ZNF385D: variants seen among roughly 807,000 people sequenced by gnomAD.
ZNF385D encodes zinc finger protein 659.
In ZNF385D, 15 loss-of-function variants were observed where a neutral mutation model predicts 35.8. The ratio of observed to expected loss-of-function variants is 0.42; its 90% CI spans 0.28 to 0.64. The LOEUF (loss-of-function observed/expected upper bound fraction) is 0.64. Ranked by LOEUF, ZNF385D falls within the 30% of genes least tolerant of loss-of-function variation. The probability of loss-of-function intolerance (pLI) is 0.23; values close to 1 mark genes in which losing one functional copy is unlikely to be tolerated. For synonymous variants in ZNF385D, 212 were observed against 186.8 expected, an observed-to-expected ratio of 1.13 and a Z score of -1.10; for missense variants, 474 against 494.6, an observed-to-expected ratio of 0.96 and a Z score of 0.39.
chr3:21,824,541 T>C (rs985118972), intron 3 of ZNF385D, among the ~76,000 whole-genome samples: 21 of 152,190 alleles, frequency 1.4e-4, no homozygotes, highest in African/African-American at 4.8e-4. Flanking sequence ...TTTTCTTGTA[T>C]AGCTAATGTA....
At chr3:21,844,177 A>C (rs1695854907) in intron 3 of ZNF385D, among the ~76,000 whole-genome samples, 2 of 151,966 alleles carry the variant, frequency 1.3e-5, no homozygotes, top group Admixed American at 6.6e-5. Context: ...AGTACAGGAC[A>C]AGTAAGATTT....
chr3:21,851,640 T>A (rs905691364), intron 3 of ZNF385D, among the ~76,000 whole-genome samples: 2 of 152,060 alleles, frequency 1.3e-5, no homozygotes, highest in African/African-American at 4.8e-5. Context: ...AATATTTTCA[T>A]GTGATTAATA....
intron 1 of ZNF385D, among the ~76,000 whole-genome samples, chr3:21,732,687 T>G (rs1446068579): frequency 6.6e-6 from 1 of 152,264 alleles, no homozygotes; most frequent in African/African-American, 2.4e-5. Flanking sequence ...TCTGTATATC[T>G]TCTTTGGTAA....
chr3:21,444,382 TTTTTG>T (rs1316389133), intron 4 of ZNF385D, among the ~76,000 whole-genome samples: 1 of 47,344 alleles, frequency 2.1e-5, no homozygotes, highest in African/African-American at 9.3e-5. Context: ...ACCCGGCCTT[TTTTTG>T]TTTTTTTTTT....
At chr3:22,261,492 G>A (rs1222327564) in intron 2 of ZNF385D, among the ~76,000 whole-genome samples, 2 of 151,910 alleles carry the variant, frequency 1.3e-5, no homozygotes, top group Non-Finnish European at 2.9e-5. Context: ...CTAGTATATT[G>A]TAAAAATGTA....
At chr3:21,975,649 C>T (rs1027270751) in intron 3 of ZNF385D, among the ~76,000 whole-genome samples, 2 of 147,790 alleles carry the variant, frequency 1.4e-5, no homozygotes, top group African/African-American at 4.9e-5. Flanking sequence ...ATCAAAATAC[C>T]TCATGTGCCC....
intron 2 of ZNF385D, among the ~76,000 whole-genome samples, chr3:21,585,600 C>T (rs963925992): frequency 6.6e-6 from 1 of 152,108 alleles, no homozygotes; most frequent in Non-Finnish European, 1.5e-5. Context: ...AATCTGGCTG[C>T]CTACGCACCT....
At chr3:22,124,922 T>A (rs900422188) in intron 3 of ZNF385D, among the ~76,000 whole-genome samples, 3 of 152,144 alleles carry the variant, frequency 2.0e-5, no homozygotes, top group Non-Finnish European at 2.9e-5. Flanking sequence ...TTTAATTTGA[T>A]GTGACCCCAT....
rs77576569 is a variant in ZNF385D at position 21,574,481 on chromosome 3, A to G, written c.166-9797T>C. Among the ~76,000 whole-genome samples, 217 of 152,304 alleles carry G rather than the reference A, an allele frequency of 1.4e-3. 5 individuals are homozygous for G. The East Asian group carries it at 0.038, about 27-fold the overall frequency. The stretch of plus-strand genomic sequence containing the variant: ...GGTTCTTGATTCTAACAAACTGCAC[A>G]ATAAACATTAGGAGACAATTGAAGG... On this transcript the variant is annotated intron_variant, in intron 2 of 7. Transcript: ENST00000281523.
intron 1 of ZNF385D, among the ~76,000 whole-genome samples, chr3:21,730,868 G>T (rs9812631): frequency 0.47 from 70,895 of 151,928 alleles, 16,867 homozygotes; most frequent in Admixed American, 0.56. Context: ...GCTTATTTTG[G>T]TCATGGCTGC....
At chr3:21,472,819 T>C (rs1007754258) in intron 4 of ZNF385D, among the ~76,000 whole-genome samples, 36 of 152,118 alleles carry the variant, frequency 2.4e-4, no homozygotes, top group Non-Finnish European at 2.9e-5. Context: ...TGCAACTTCT[T>C]TGTTTTATTT....
intron 1 of ZNF385D, among the ~76,000 whole-genome samples, chr3:21,718,938 T>C (rs1197770157): frequency 1.3e-5 from 2 of 152,218 alleles, no homozygotes; most frequent in African/African-American, 4.8e-5. Context: ...GTTAAAATTC[T>C]AACCCAAAAA....
intron 3 of ZNF385D, among the ~76,000 whole-genome samples, chr3:21,822,074 A>AT (rs201376551): frequency 0.02 from 3,069 of 151,694 alleles, 95 homozygotes; most frequent in African/African-American, 0.069. Context: ...AGTTAAAATA[A>AT]TTTTTTTTCT....
chr3:21,948,425 C>A (rs1701901141), intron 3 of ZNF385D, among the ~76,000 whole-genome samples: 1 of 152,012 alleles, frequency 6.6e-6, no homozygotes, highest in Non-Finnish European at 1.5e-5. Context: ...TACTGATTTT[C>A]TGCTCCTCCT....
chr3:22,093,420 T>G (rs929592122), intron 3 of ZNF385D, among the ~76,000 whole-genome samples: 1 of 151,788 alleles, frequency 6.6e-6, no homozygotes, highest in Admixed American at 6.6e-5. Flanking sequence ...TAAATTTATT[T>G]TACTTAATTT....
intron 2 of ZNF385D, among the ~76,000 whole-genome samples, chr3:21,577,027 CATTTA>C (rs2063515912): frequency 6.6e-6 from 1 of 152,114 alleles, no homozygotes; most frequent in Non-Finnish European, 1.5e-5. Context: ...AATGTCTTCT[CATTTA>C]GCTATTTGAA....
At chr3:21,781,336 A>ACC (rs1204775255) in intron 3 of ZNF385D, among the ~76,000 whole-genome samples, 1 of 152,032 alleles carries the variant, frequency 6.6e-6, no homozygotes, top group African/African-American at 2.4e-5. Flanking sequence ...GACCTTCCAT[A>ACC]CCCTTCCATA....
intron 3 of ZNF385D, among the ~76,000 whole-genome samples, chr3:21,765,068 T>G (rs1449379003): frequency 2.6e-5 from 4 of 152,264 alleles, no homozygotes; most frequent in African/African-American, 9.6e-5. Flanking sequence ...TTCTTTTTTC[T>G]CTGAAGTTTC....
chr3:21,887,251 A>T (rs1376831938), intron 3 of ZNF385D, among the ~76,000 whole-genome samples: 2 of 152,174 alleles, frequency 1.3e-5, no homozygotes, highest in African/African-American at 4.8e-5. Flanking sequence ...TTTAGTCTTA[A>T]ATAGTTTGTT....
Sources: gnomAD v4.1 joint callset for allele counts (sites outside exome capture counted in the v4.1 genomes callset) on GRCh38, gnomAD v4.1.1 for gene constraint, MANE v1.5 for transcripts, NCBI Gene and HGNC (gene_info 2026-07-23, HGNC 2026-07-21) for gene names.